SHANK1: variants seen among roughly 807,000 people sequenced by gnomAD.
SHANK1 encodes SH3 and multiple ankyrin repeat domains protein 1.
Under a neutral mutation model 165.6 loss-of-function variants are expected in SHANK1, and 35 were observed. The observed-to-expected ratio is 0.21, with a 90% CI of 0.16 to 0.28. The LOEUF (loss-of-function observed/expected upper bound fraction) is 0.28. SHANK1 is among the 10% of genes least tolerant of loss of function. SHANK1 has a pLI of 1.00. For missense variants in SHANK1, 2,681 were observed against 3,036.4 expected (o/e 0.88, Z 2.75); for synonymous variants, 1,428 against 1,384.8 (o/e 1.03, Z -0.69).
In SHANK1 at chr19:50,666,385, G is replaced by C. The variant is rs1985510015; in HGVS notation, c.5575C>G (p.Gln1859Glu). The C allele has an allele frequency of 1.2e-6, 2 of 1,613,546 alleles. No homozygotes were observed. The highest frequency in any genetic ancestry group is 2.7e-5 in the African/African-American group (2 of 75,072). ...TTTACTGTGGCCAAGGCTGAGGCCTGAGGCTGGGCCAAGGGCCCGGGCAGA... is the reference window on the plus strand; with the variant it reads ...TTTACTGTGGCCAAGGCTGAGGCCTCAGGCTGGGCCAAGGGCCCGGGCAGA... ...PPLPGPLAQPQASALATVKAS... is the reference protein window; with the variant it reads ...PPLPGPLAQPEASALATVKAS... Residue 1859 changes from glutamine (Q) to glutamate (E), a missense_variant, in exon 23 of 24, where the codon CAG (glutamine) becomes GAG (glutamate). Gln to Glu is a conservative substitution (Grantham distance 29). Around this residue, in one of 10 missense-constraint regions of SHANK1, gnomAD observed 1,713 missense variants for 1,630.2 expected, o/e 1.05. Transcript: ENST00000293441.
chr19:50,679,968 G>A (rs1173377660), intron 21 of SHANK1, among the ~76,000 whole-genome samples: 1 of 151,350 alleles, frequency 6.6e-6, no homozygotes, highest in Non-Finnish European at 1.5e-5. Context: ...AGAGACAAAG[G>A]CAGAGATGGG....
At chr19:50,707,098 C>T (rs1230259327) in intron 8 of SHANK1, among the ~76,000 whole-genome samples, 1 of 152,132 alleles carries the variant, frequency 6.6e-6, no homozygotes, top group African/African-American at 2.4e-5. Context: ...TTTTTTAGTA[C>T]CACACTGATG....
chr19:50,703,579 G>A lies in SHANK1; in HGVS notation c.1474C>T (p.Pro492Ser), dbSNP rs1272872317. The A allele has an allele frequency of 1.3e-6, 2 of 1,557,754 alleles. No individual in the cohort carries two copies. Among genetic ancestry groups the A allele is most frequent in the African/African-American group, 2.7e-5 (2 of 73,928 alleles). Residue 492 changes from proline (P) to serine (S), a missense_variant, in exon 11 of 24, where the codon CCC (proline) becomes TCC (serine). This residue lies in a region of SHANK1 where 195 missense variants were observed against 186.2 expected (regional missense o/e 1.05). Transcript: ENST00000293441. ...SSGTLRSASS[P>S]RGARARSPSR... ...GGAGAGCGGGCCCTGGCACCCCGGG[G>A]GCTGCTGGCACTTCGGAGGGTCCCG...
At chr19:50,707,906 C>CTTTTCTT (rs2088962333) in intron 8 of SHANK1, among the ~76,000 whole-genome samples, 1 of 30,564 alleles carries the variant, frequency 3.3e-5, no homozygotes, top group Non-Finnish European at 6.6e-5. Flanking sequence ...CTTTTCTTTT[C>CTTTTCTT]TTTTCTTTTC....
chr19:50,676,029 C>G (rs879792590), intron 21 of SHANK1, among the ~76,000 whole-genome samples: 4 of 151,706 alleles, frequency 2.6e-5, no homozygotes, highest in Non-Finnish European at 5.9e-5. Flanking sequence ...GCTGGCCAGG[C>G]ACAGTGGCTC....
At position 50,659,583 on chromosome 19, in the gene SHANK1, A is replaced by C. The variant is rs1599831773; in HGVS notation, c.*2382T>G. ...CCCCTCCCACCCCCCCTTGGAAGAC[A>C]ATTCTCGGGCTTTTATTTCAGGTTT... On this transcript the variant is annotated 3_prime_UTR_variant, in exon 24 of 24. Transcript: ENST00000293441. Among the ~76,000 whole-genome samples the C allele has an allele frequency of 8.8e-6, 1 of 113,468 alleles. No homozygotes were observed. Among genetic ancestry groups the C allele is most frequent in the Non-Finnish European group, 1.7e-5 (1 of 57,608 alleles). 74.4% of individuals were successfully genotyped at this position (113,468 alleles called of 152,430 possible). A position where few individuals can be genotyped will look rare whatever the true frequency, so the allele number is the denominator to read the frequency against.
chr19:50,712,935 G>T (rs911178977), intron 6 of SHANK1, among the ~76,000 whole-genome samples: 1 of 152,196 alleles, frequency 6.6e-6, no homozygotes, highest in African/African-American at 2.4e-5. Context: ...GATAGCGCAG[G>T]TCTGGAGGCT....
chr19:50,715,543 C>T (rs1422712358), intron 4 of SHANK1, 116 bp downstream of exon 4: 25 of 919,220 alleles, frequency 2.7e-5, no homozygotes, highest in East Asian at 4.8e-5. Flanking sequence ...CCAGAGGGAT[C>T]GCTGGCTTGG....
rs2089087489 is a variant in SHANK1, at chr19:50,717,921, C to G, written c.-43-959G>C. 6.6e-6 allele frequency among the ~76,000 whole-genome samples: 1 copy of G among 152,010 alleles called. No individual in the cohort carries two copies. Among genetic ancestry groups the G allele is most frequent in the Non-Finnish European group, 1.5e-5 (1 of 67,982 alleles). On this transcript the variant is annotated intron_variant, in intron 1 of 23. Coordinates refer to ENST00000293441, the MANE Select transcript of SHANK1 (RefSeq NM_016148.5). The surrounding 1 kb of genome is among the most constrained non-coding windows in gnomAD (Gnocchi z 5.5). ...GGATCATCTCTAGATCCTTGCTGTT[C>G]TCCCTTGAGGTGGCCTTATGAGGGT...
In SHANK1 at chr19:50,659,262, G is replaced by C. The variant is rs1985089687; in HGVS notation, c.*2703C>G. 2 of 773,036 alleles carry C rather than the reference G, an allele frequency of 2.6e-6. No individual in the cohort carries two copies. Among genetic ancestry groups the C allele is most frequent in the East Asian group, 3.5e-5 (1 of 28,898 alleles). The allele number at this position is 773,036 out of a possible 1,614,324, so 47.9% of individuals were successfully genotyped here. On this transcript the variant is annotated 3_prime_UTR_variant, in exon 24 of 24. Coordinates refer to ENST00000293441, the MANE Select transcript of SHANK1 (RefSeq NM_016148.5). ...GAAGGAGGCGGGGCCGGCTCGAGGG[G>C]GTGGATACTGTGAGTTTAATTATAA...
At chr19:50,674,059 T>G (rs1174213194) in intron 21 of SHANK1, among the ~76,000 whole-genome samples, 1 of 151,964 alleles carries the variant, frequency 6.6e-6, no homozygotes, top group Non-Finnish European at 1.5e-5. Flanking sequence ...TCCCCAAAAG[T>G]TCTCAGATTA....
At chr19:50,708,800 C>G (rs933259562) in intron 8 of SHANK1, among the ~76,000 whole-genome samples, 1 of 152,210 alleles carries the variant, frequency 6.6e-6, no homozygotes, top group Non-Finnish European at 1.5e-5. Context: ...CATTCATTCA[C>G]TCACTCAACA....
intron 15 of SHANK1, among the ~76,000 whole-genome samples, chr19:50,696,069 G>T (rs1986729283): frequency 6.6e-6 from 1 of 152,174 alleles, no homozygotes; most frequent in Admixed American, 6.5e-5. Flanking sequence ...ACAGCAGCAC[G>T]TGGGAGCCAG....
In SHANK1 at chr19:50,667,110, A is replaced by G; in HGVS notation, c.4850T>C (p.Leu1617Pro). 1 of 1,467,012 alleles carries G rather than the reference A, an allele frequency of 6.8e-7. No individual in the cohort carries two copies. The highest frequency in any genetic ancestry group is 9.1e-7 in the Non-Finnish European group (1 of 1,099,160). The allele number at this position is 1,467,012 out of a possible 1,614,324, so 90.9% of individuals were successfully genotyped here. A position where few individuals can be genotyped will look rare whatever the true frequency, so the allele number is the denominator to read the frequency against. ...PPAVAAAPPT[L>P]DSTASSLTSY... ...TGTCAGGCTGGATGCGGTGGAGTCCAGGGTGGGAGGGGCTGCGGCCACAGC... is the reference window on the plus strand; with the variant it reads ...TGTCAGGCTGGATGCGGTGGAGTCCGGGGTGGGAGGGGCTGCGGCCACAGC... The change falls in exon 23 of 24, where the codon CTG becomes CCG. Residue 1617 changes from leucine (L) to proline (P), a missense_variant. By Grantham distance (98) the Leu-to-Pro change is moderately conservative (BLOSUM62 -3). Around this residue, in one of 10 missense-constraint regions of SHANK1, gnomAD observed 1,713 missense variants for 1,630.2 expected, o/e 1.05. Coordinates refer to ENST00000293441, the MANE Select transcript of SHANK1 (RefSeq NM_016148.5). The surrounding 1 kb of genome is among the most constrained non-coding windows in gnomAD (Gnocchi z 5.7).
chr19:50,708,469 C>T (rs1215493187), intron 8 of SHANK1, among the ~76,000 whole-genome samples: 1 of 152,160 alleles, frequency 6.6e-6, no homozygotes, highest in Non-Finnish European at 1.5e-5. Flanking sequence ...GCCTCCTCAC[C>T]AGACTGTGAA....
Position 50,673,868 on chromosome 19 carries a change from A to G in SHANK1, c.2578-1754T>C, listed in dbSNP as rs1474978825. On this transcript the variant is annotated intron_variant, in intron 21 of 23. Transcript: ENST00000293441. The stretch of plus-strand genomic sequence containing the variant: ...GAGTGCAGTGGCGTTAACACGGCTC[A>G]CTGCAGCCTTGGCCTCCCGGGCCCA... Among the ~76,000 whole-genome samples the G allele has an allele frequency of 2.7e-5, 4 of 148,968 alleles. No homozygotes were observed. In the East Asian group the frequency reaches 5.9e-4, roughly 22 times the overall value.
chr19:50,699,341 CAGTGGCCAAT>C (rs2123165010), intron 12 of SHANK1, among the ~76,000 whole-genome samples: 1 of 152,300 alleles, frequency 6.6e-6, no homozygotes, highest in African/African-American at 2.4e-5. Context: ...GCTTCCAGAG[CAGTGGCCAAT>C]AGAGGCATAA....
chr19:50,710,465 A>G (rs1036381391), intron 8 of SHANK1, among the ~76,000 whole-genome samples: 1 of 152,206 alleles, frequency 6.6e-6, no homozygotes, highest in African/African-American at 2.4e-5. Flanking sequence ...GGAAGCATCA[A>G]GAAACAGGTG....
At position 50,672,162 on chromosome 19, in the gene SHANK1, A is replaced by G. The variant is rs568744566; in HGVS notation, c.2578-48T>C. 4.8e-6 allele frequency: 7 copies of G among 1,458,440 alleles called. No individual in the cohort carries two copies. The South Asian group carries it at 5.9e-5, about 12-fold the overall frequency. 90.3% of individuals were successfully genotyped at this position (1,458,440 alleles called of 1,614,324 possible). On this transcript the variant is annotated intron_variant, in intron 21 of 23. Transcript: ENST00000293441. ...GGAGAGAGAGAAAAGATAGAGAGAGATCAGTCAGCGCAGAAAGGCTTGTGG... is the reference window on the plus strand; with the variant it reads ...GGAGAGAGAGAAAAGATAGAGAGAGGTCAGTCAGCGCAGAAAGGCTTGTGG...
Sources: gnomAD v4.1 joint callset for allele counts (sites outside exome capture counted in the v4.1 genomes callset) on GRCh38, gnomAD v4.1.1 for gene constraint, gnomAD v4.1.1 regional missense constraint, Gnocchi (gnomAD v3.1) non-coding constraint, MANE v1.5 for transcripts, NCBI Gene and HGNC (gene_info 2026-07-23, HGNC 2026-07-21) for gene names.